Variants in FHIT observed in about 807,000 individuals in gnomAD.
The protein encoded by FHIT is bis(5'-adenosyl)-triphosphatase.
In FHIT, 19 loss-of-function variants were observed where a neutral mutation model predicts 17.9. The ratio of observed to expected loss-of-function variants is 1.06; its 90% CI spans 0.74 to 1.56. FHIT has a LOEUF of 1.56. FHIT is among the 40% of genes most tolerant of loss of function. FHIT has a pLI of 0.00. For synonymous variants in FHIT, 81 were observed against 69.7 expected, an observed-to-expected ratio of 1.16 and a Z score of -0.81; for missense variants, 248 against 189.2, an observed-to-expected ratio of 1.31 and a Z score of -1.82.
chr3:60,448,903 G>A (rs1332988076), intron 5 of FHIT, among the ~76,000 whole-genome samples: 1 of 152,104 alleles, frequency 6.6e-6, no homozygotes, highest in African/African-American at 2.4e-5. Context: ...ATCACACACA[G>A]GCAATATAAA....
intron 5 of FHIT, among the ~76,000 whole-genome samples, chr3:60,096,189 C>A (rs1044069195): frequency 1.3e-5 from 2 of 152,088 alleles, no homozygotes; most frequent in Admixed American, 6.6e-5. Flanking sequence ...TTGTCCTGCG[C>A]CCCAGCAGAA....
intron 3 of FHIT, among the ~76,000 whole-genome samples, chr3:60,942,355 T>C (rs373186447): frequency 1.3e-5 from 2 of 152,210 alleles, no homozygotes; most frequent in African/African-American, 4.8e-5. Flanking sequence ...AACCTGGTCA[T>C]TATGTTTCTC....
intron 7 of FHIT, among the ~76,000 whole-genome samples, chr3:59,947,648 G>C (rs895000183): frequency 4.6e-5 from 7 of 151,652 alleles, no homozygotes; most frequent in Non-Finnish European, 8.8e-5. Flanking sequence ...CTGCAACCCT[G>C]GGGGGGCTGG....
At chr3:60,665,232 G>A (rs1397138260) in intron 4 of FHIT, among the ~76,000 whole-genome samples, 1 of 151,918 alleles carries the variant, frequency 6.6e-6, no homozygotes, top group Non-Finnish European at 1.5e-5. Flanking sequence ...GGTTGCTTGA[G>A]ATAAAAAGTA....
chr3:60,871,988 A>T (rs1704437328), intron 3 of FHIT, among the ~76,000 whole-genome samples: 1 of 152,078 alleles, frequency 6.6e-6, no homozygotes, highest in Non-Finnish European at 1.5e-5. Flanking sequence ...AAAGGAATAT[A>T]CTGAGGAAAA....
At chr3:60,740,212 C>T (rs1000792790) in intron 4 of FHIT, among the ~76,000 whole-genome samples, 3 of 152,154 alleles carry the variant, frequency 2.0e-5, no homozygotes, top group Non-Finnish European at 4.4e-5. Context: ...ACTCAAAGGA[C>T]AATCTTATGA....
chr3:59,979,668 A>T (rs941463641), intron 7 of FHIT, among the ~76,000 whole-genome samples: 3 of 152,124 alleles, frequency 2.0e-5, no homozygotes, highest in African/African-American at 7.2e-5. Context: ...GGGCACATTG[A>T]AACTCTACAC....
In FHIT at chr3:60,760,358, T is replaced by G. The variant is rs934414178; in HGVS notation, c.-18+61561A>C. 7.9e-5 allele frequency among the ~76,000 whole-genome samples: 12 copies of G among 152,300 alleles called. No individual in the cohort carries two copies. In the East Asian group the frequency reaches 2.3e-3, roughly 30 times the overall value. ...TGTGGAGGTTTCCTCCTGACTGAGC[T>G]TTGCTCAGTAAAACAGGAAGTAAGG... On this transcript the variant is annotated intron_variant, in intron 4 of 9. Coordinates refer to ENST00000492590, the MANE Select transcript of FHIT (RefSeq NM_002012.4).
chr3:60,108,233 G>A (rs1426310868), intron 5 of FHIT, among the ~76,000 whole-genome samples: 3 of 152,122 alleles, frequency 2.0e-5, no homozygotes, highest in Non-Finnish European at 4.4e-5. Flanking sequence ...TGGGTTGTAT[G>A]GGGGAGTTCC....
intron 1 of FHIT, among the ~76,000 whole-genome samples, chr3:61,204,643 T>A (rs577053045): frequency 1.3e-5 from 2 of 152,248 alleles, no homozygotes; most frequent in South Asian, 2.1e-4. Flanking sequence ...AACGAATGTT[T>A]TAAAATCTTG....
chr3:60,715,182 G>C (rs568294402), intron 4 of FHIT, among the ~76,000 whole-genome samples: 1 of 151,762 alleles, frequency 6.6e-6, no homozygotes, highest in South Asian at 2.1e-4. Flanking sequence ...CAAGCAATGG[G>C]GAAAGGATTC....
chr3:59,930,227 G>T (rs1011043102), intron 7 of FHIT, among the ~76,000 whole-genome samples: 3 of 152,136 alleles, frequency 2.0e-5, no homozygotes, highest in African/African-American at 4.8e-5. Context: ...AGTGAGAAAA[G>T]CCAGGTTTCC....
At position 60,642,646 on chromosome 3, in the gene FHIT, G is replaced by T. The variant is rs971954567; in HGVS notation, c.-17-105667C>A. Among the ~76,000 whole-genome samples the T allele has an allele frequency of 3.9e-5, 6 of 152,264 alleles. No homozygotes were observed. In the South Asian group the frequency reaches 6.2e-4, roughly 16 times the overall value. On this transcript the variant is annotated intron_variant, in intron 4 of 9. Transcript: ENST00000492590. ...CATTGGGCTTTAACCATCACTCTGC[G>T]AAAGAGAAGAGTTCAGAGCAAAGTC... is the stretch of plus-strand genomic sequence containing the variant.
chr3:60,315,863 G>C (rs1232035464), intron 5 of FHIT, among the ~76,000 whole-genome samples: 1 of 152,130 alleles, frequency 6.6e-6, no homozygotes, highest in Admixed American at 6.5e-5. Flanking sequence ...TAAAGTATTA[G>C]TTCATATTCC....
At chr3:60,058,323 G>A (rs973461718) in intron 5 of FHIT, among the ~76,000 whole-genome samples, 30 of 151,814 alleles carry the variant, frequency 2.0e-4, no homozygotes, top group Admixed American at 1.7e-3. Flanking sequence ...TAGAGATGGG[G>A]TTTCACCATG....
At chr3:59,831,271 G>C (rs1701153470) in intron 8 of FHIT, among the ~76,000 whole-genome samples, 1 of 152,038 alleles carries the variant, frequency 6.6e-6, no homozygotes, top group African/African-American at 2.4e-5. Flanking sequence ...TGTGATGCTG[G>C]TGATATGATG....
chr3:59,961,474 G>T (rs1707678598), intron 7 of FHIT, among the ~76,000 whole-genome samples: 1 of 152,130 alleles, frequency 6.6e-6, no homozygotes, highest in South Asian at 2.1e-4. Context: ...AAAAACTCCT[G>T]CAGCTAGCTC....
intron 5 of FHIT, among the ~76,000 whole-genome samples, chr3:60,291,206 T>C (rs940322424): frequency 6.6e-6 from 1 of 152,030 alleles, no homozygotes; most frequent in Non-Finnish European, 1.5e-5. Context: ...GGGTTGCCGG[T>C]CCACAGGGAA....
At chr3:59,998,380 C>A (rs1047425333) in intron 7 of FHIT, among the ~76,000 whole-genome samples, 1 of 152,086 alleles carries the variant, frequency 6.6e-6, no homozygotes, top group Non-Finnish European at 1.5e-5. Context: ...TGCCAATACA[C>A]ATTTTATGGA....
Sources: allele counts gnomAD v4.1 joint callset (sites outside exome capture counted in the v4.1 genomes callset), GRCh38; gene constraint gnomAD v4.1.1; transcripts MANE v1.5; gene names NCBI Gene and HGNC (gene_info 2026-07-23, HGNC 2026-07-21).